Variants in NLRC3 observed in about 807,000 individuals in gnomAD.
NLRC3 encodes the protein NLR family CARD domain-containing protein 3.
Under a neutral mutation model 91.6 loss-of-function variants are expected in NLRC3, and 87 were observed. That is an observed-to-expected ratio of 0.95 (90% CI 0.80 to 1.14). The LOEUF (loss-of-function observed/expected upper bound fraction) is 1.14, where lower values mean the gene tolerates loss of function less well. Among genes scored for constraint, NLRC3 ranks in the 50% most tolerant of loss-of-function variants. The pLI, the probability that NLRC3 is intolerant of heterozygous loss-of-function variation, is 0.00. For missense variants in NLRC3, 1,577 were observed against 1,418.6 expected, an observed-to-expected ratio of 1.11 and a Z score of -1.79; for synonymous variants, 694 against 625.3, an observed-to-expected ratio of 1.11 and a Z score of -1.64.
chr16:3,555,231 A>C (rs2039244765), intron 8 of NLRC3, among the ~76,000 whole-genome samples: 1 of 144,734 alleles, frequency 6.9e-6, no homozygotes, highest in African/African-American at 2.7e-5. Flanking sequence ...CTCCGTCTCA[A>C]AAAAAAAAAA....
chr16:3,558,714 C>G (rs1277915992), intron 6 of NLRC3, among the ~76,000 whole-genome samples: 1 of 152,050 alleles, frequency 6.6e-6, no homozygotes, highest in South Asian at 2.1e-4. Flanking sequence ...GGCTCTTTGC[C>G]GTTTGTAGGC....
rs1441312770 is a variant in NLRC3, at chr16:3,549,768, A to G, written c.2448T>C (p.Asn816=). The G allele has an allele frequency of 5.8e-6, 9 of 1,550,372 alleles. No individual in the cohort carries two copies. The highest frequency in any genetic ancestry group is 1.8e-4 in the Middle Eastern group (1 of 5,706). Residue 816 remains asparagine (N), a synonymous_variant, in exon 12 of 20, where the codon AAT becomes AAC. Coordinates refer to ENST00000359128, the MANE Select transcript of NLRC3 (RefSeq NM_178844.4). The part of the protein sequence containing the change: ...QGLESLDLQS[N]SISDAGVAAL... ...CTGCCACTCCTGCGTCACTGATGGA[A>G]TTGCTCTGCAGGCTGCGGAAAGAGG... is the stretch of plus-strand genomic sequence containing the variant.
chr16:3,542,601 G>T, intron 18 of NLRC3, 91 bp downstream of exon 18: 2 of 745,140 alleles, frequency 2.7e-6, no homozygotes, highest in Non-Finnish European at 2.3e-6. Flanking sequence ...AATAGCTACA[G>T]AAGAAATCAG....
rs552929721 is a variant in NLRC3, at chr16:3,549,798, G to A, written c.2436-18C>T. 65 of 1,541,422 alleles carry A rather than the reference G, an allele frequency of 4.2e-5. No homozygotes were observed. The East Asian group carries it at 7.6e-4, about 18-fold the overall frequency. ...TCTGCAGGCTGCGGAAAGAGGAGGCGCCCTGGGTGTGGCTGTCCCAGGACC... is the reference window on the plus strand; with the variant it reads ...TCTGCAGGCTGCGGAAAGAGGAGGCACCCTGGGTGTGGCTGTCCCAGGACC... On this transcript the variant is annotated intron_variant, in intron 11 of 19. Coordinates refer to ENST00000359128, the MANE Select transcript of NLRC3 (RefSeq NM_178844.4).
Position 3,563,058 on chromosome 16 carries a change from C to T in NLRC3, c.1879G>A (p.Gly627Ser). 2 of 1,562,490 alleles carry T rather than the reference C, an allele frequency of 1.3e-6. No individual in the cohort carries two copies. The highest frequency in any genetic ancestry group is 1.7e-6 in the Non-Finnish European group (2 of 1,153,872). Reference sequence around the variant, plus strand: ...TGGGGCAGCAGGCTCTGAAGGACGCCCTGGCTGAGGCTCAGGGACAGGTTG... The same window carrying T: ...TGGGGCAGCAGGCTCTGAAGGACGCTCTGGCTGAGGCTCAGGGACAGGTTG... ...EANLSLSLSQ[G>S]VLQSLLPQLL... The change falls in exon 5 of 20, where the codon GGC becomes AGC. Residue 627 changes from glycine to serine, a missense_variant. By Grantham distance (56) the Gly-to-Ser change is moderately conservative. Transcript: ENST00000359128.
chr16:3,576,156 AG>A (rs1312051391), intron 1 of NLRC3, among the ~76,000 whole-genome samples: 2 of 152,162 alleles, frequency 1.3e-5, no homozygotes, highest in African/African-American at 2.4e-5. Context: ...CCCCAGGCTC[AG>A]GGTCACCTCC....
At chr16:3,560,955 G>A (rs538759320) in intron 6 of NLRC3, among the ~76,000 whole-genome samples, 2 of 151,080 alleles carry the variant, frequency 1.3e-5, no homozygotes, top group East Asian at 2.0e-4. Context: ...CACCACACCC[G>A]GCCACAAGAT....
chr16:3,563,306 G>C lies in NLRC3; in HGVS notation c.1631C>G (p.Thr544Ser). Residue 544 changes from threonine (T) to serine (S), a missense_variant, in exon 5 of 20, where the codon ACC (threonine) becomes AGC (serine). Thr to Ser is a moderately conservative substitution (Grantham distance 58, BLOSUM62 1). Transcript: ENST00000359128. Reference sequence around the variant, plus strand: ...GCCCTGCAGGAGCTCAGCCACCTGGGTCCGGTAGGCCTGGTGCTCGCCTTG... The same window carrying C: ...GCCCTGCAGGAGCTCAGCCACCTGGCTCCGGTAGGCCTGGTGCTCGCCTTG... The part of the protein sequence containing the change: ...LAQGEHQAYR[T>S]QVAELLQGCL... 1 of 1,600,600 alleles carries C rather than the reference G, an allele frequency of 6.2e-7. No individual in the cohort carries two copies. Among genetic ancestry groups the C allele is most frequent in the Non-Finnish European group, 8.5e-7 (1 of 1,174,566 alleles).
At chr16:3,557,964 A>G (rs2039427187) in intron 6 of NLRC3, among the ~76,000 whole-genome samples, 1 of 152,234 alleles carries the variant, frequency 6.6e-6, no homozygotes, top group African/African-American at 2.4e-5. Context: ...CAGCACAGCA[A>G]AGAAAATGGA....
chr16:3,569,871 C>T (rs933243788), intron 1 of NLRC3, among the ~76,000 whole-genome samples: 7 of 152,032 alleles, frequency 4.6e-5, no homozygotes, highest in East Asian at 1.9e-4. Context: ...TTTTCTTCTC[C>T]GATAGAGAAA....
intron 18 of NLRC3, 108 bp downstream of exon 18, chr16:3,542,584 A>G: frequency 1.4e-6 from 1 of 695,856 alleles, no homozygotes; most frequent in Non-Finnish European, 2.5e-6. Context: ...GTTTATATTC[A>G]GAAGGAAATA....
At position 3,540,865 on chromosome 16, in the gene NLRC3, C is replaced by T. The variant is rs186487217; in HGVS notation, c.*960G>A. The T allele has an allele frequency of 6.6e-6, 1 of 152,156 alleles. No individual in the cohort carries two copies. Among genetic ancestry groups the T allele is most frequent in the Admixed American group, 6.5e-5 (1 of 15,284 alleles). 9.4% of individuals were successfully genotyped at this position (152,156 alleles called of 1,614,324 possible). A position where few individuals can be genotyped will look rare whatever the true frequency, so the allele number is the denominator to read the frequency against. On this transcript the variant is annotated 3_prime_UTR_variant, in exon 20 of 20. Coordinates refer to ENST00000359128, the MANE Select transcript of NLRC3 (RefSeq NM_178844.4). ...TATTGATAACCAGTGTGCCAGACTC[C>T]AGACAACATGTGCCAGGCATCACCC...
chr16:3,564,052 C>G lies in NLRC3; in HGVS notation c.885G>C (p.Lys295Asn). 1 of 1,612,760 alleles carries G rather than the reference C, an allele frequency of 6.2e-7. No homozygotes were observed. Among genetic ancestry groups the G allele is most frequent in the African/African-American group, 1.3e-5 (1 of 75,082 alleles). ...EIRGFNEEEI[K>N]VCLEQMFPED... ...CGGGGAACATCTGCTCCAAACACAC[C>G]TTGATCTCCTCCTCGTTAAAGCCCC... Residue 295 changes from lysine to asparagine, a missense_variant, in exon 5 of 20, where the codon AAG (lysine) becomes AAC (asparagine). Transcript: ENST00000359128. The surrounding 1 kb of genome is among the most constrained non-coding windows in gnomAD (Gnocchi z 5.9).
intron 1 of NLRC3, among the ~76,000 whole-genome samples, chr16:3,573,754 C>G (rs2040183610): frequency 6.6e-6 from 1 of 152,174 alleles, no homozygotes; most frequent in Non-Finnish European, 1.5e-5. Context: ...ATACACATAA[C>G]ACAAAATTTA....
At chr16:3,552,751 C>A (rs920866380) in intron 9 of NLRC3, among the ~76,000 whole-genome samples, 1 of 152,038 alleles carries the variant, frequency 6.6e-6, no homozygotes, top group Non-Finnish European at 1.5e-5. Flanking sequence ...ACTATCCTGG[C>A]CAACATGGTG....
chr16:3,563,397 G>C lies in NLRC3; in HGVS notation c.1540C>G (p.Leu514Val). ...GACAAGAGGCCGGAGAGGAAGCGCA[G>C]GAACACGTCCAGCCTCCCGTCCTCT... Reference protein sequence around the residue: ...QAEDGRLDVFLRFLSGLLSPR... With the variant: ...QAEDGRLDVFVRFLSGLLSPR... The change falls in exon 5 of 20, where the codon CTG (leucine) becomes GTG (valine). Residue 514 changes from leucine to valine, a missense_variant. Coordinates refer to ENST00000359128, the MANE Select transcript of NLRC3 (RefSeq NM_178844.4). 6.3e-7 allele frequency: 1 copy of C among 1,579,918 alleles called. No homozygotes were observed. The highest frequency in any genetic ancestry group is 8.6e-7 in the Non-Finnish European group (1 of 1,163,588).
At chr16:3,555,926 A>G (rs2039290073) in intron 8 of NLRC3, 1 of 114,082 alleles carries the variant, frequency 8.8e-6, no homozygotes, top group Admixed American at 8.9e-5. Context: ...CCTAATAAAA[A>G]TAAATAAATA....
chr16:3,548,868 T>A, intron 13 of NLRC3, 115 bp from the exon 14 acceptor site: 1 of 745,032 alleles, frequency 1.3e-6, no homozygotes, highest in Non-Finnish European at 2.2e-6. Context: ...CACGAGGGGG[T>A]GCTTCCTGGG....
chr16:3,559,951 C>G (rs923492660), intron 6 of NLRC3, among the ~76,000 whole-genome samples: 1 of 152,074 alleles, frequency 6.6e-6, no homozygotes, highest in South Asian at 2.1e-4. Flanking sequence ...CCTAGATATC[C>G]TTTTAAGCCC....
Sources: gnomAD v4.1 joint callset for allele counts (sites outside exome capture counted in the v4.1 genomes callset) on GRCh38, gnomAD v4.1.1 for gene constraint, Gnocchi (gnomAD v3.1) non-coding constraint, MANE v1.5 for transcripts, NCBI Gene and HGNC (gene_info 2026-07-23, HGNC 2026-07-21) for gene names.